KCNT1: variants seen among roughly 807,000 people sequenced by gnomAD.
KCNT1 encodes potassium channel subfamily T member 1.
In KCNT1, 78 loss-of-function variants were observed where a neutral mutation model predicts 147.8. The ratio of observed to expected loss-of-function variants is 0.53; its 90% CI spans 0.44 to 0.64. The LOEUF (loss-of-function observed/expected upper bound fraction) is 0.64. Ranked by LOEUF, KCNT1 falls within the 30% of genes least tolerant of loss-of-function variation. KCNT1 has a pLI of 0.00. For synonymous variants in KCNT1, 867 were observed against 748.8 expected, an observed-to-expected ratio of 1.16 and a Z score of -2.58; for missense variants, 1,419 against 1,750.3, an observed-to-expected ratio of 0.81 and a Z score of 3.38.
chr9:135,775,424 G>A lies in KCNT1; in HGVS notation c.2349+9G>A. 6.2e-7 allele frequency: 1 copy of A among 1,604,382 alleles called. No individual in the cohort carries two copies. Among genetic ancestry groups the A allele is most frequent in the South Asian group, 1.1e-5 (1 of 88,962 alleles). On this transcript the variant is annotated intron_variant, in intron 20 of 30. Transcript: ENST00000371757. ...GCCTGCGGCTGGACAAGGTAAGGCT[G>A]GCGGCTCTGCCGCGCTCTGCACCCC... is the stretch of plus-strand genomic sequence containing the variant.
intron 11 of KCNT1, among the ~76,000 whole-genome samples, chr9:135,760,299 G>C (rs1000810491): frequency 3.3e-5 from 5 of 152,342 alleles, no homozygotes; most frequent in African/African-American, 1.2e-4. Context: ...ACTGCCCACT[G>C]AGCAGAGGAG....
intron 17 of KCNT1, 139 bp from the exon 18 acceptor site, chr9:135,770,718 G>A (rs1477087910): frequency 3.3e-6 from 3 of 906,544 alleles, no homozygotes; most frequent in African/African-American, 1.7e-5. Flanking sequence ...GCTCAGCCAA[G>A]GTCCCTGACC....
chr9:135,785,958 G>A (rs563478160), intron 28 of KCNT1: 29 of 566,010 alleles, frequency 5.1e-5, no homozygotes, highest in Non-Finnish European at 7.5e-5. Context: ...GACCAGGCCC[G>A]GGCAGGGTGG....
chr9:135,723,304 G>A (rs1835999552), intron 2 of KCNT1, among the ~76,000 whole-genome samples: 1 of 152,360 alleles, frequency 6.6e-6, no homozygotes, highest in East Asian at 1.9e-4. Context: ...CGTTGGTGGG[G>A]TGTCAGGAGT....
chr9:135,751,741 T>G (rs1379128945), intron 4 of KCNT1, among the ~76,000 whole-genome samples: 6 of 152,190 alleles, frequency 3.9e-5, no homozygotes, highest in Non-Finnish European at 7.4e-5. Context: ...AGCAGGGCCC[T>G]GCGGCCCTCG....
chr9:135,751,015 C>T lies in KCNT1; in HGVS notation c.408C>T (p.Leu136=), dbSNP rs370046449. Residue 136 remains leucine, a synonymous_variant, in exon 4 of 31, where the codon CTC becomes CTT. Coordinates refer to ENST00000371757, the MANE Select transcript of KCNT1 (RefSeq NM_020822.3). ...TGCTCTACATTGTGCGCGTCCTGCT[C>T]GATGACCCGGCCCTGGGCATCGGAT... ...TCLLYIVRVL[L]DDPALGIGCW... The T allele has an allele frequency of 3.5e-5, 56 of 1,612,214 alleles. No homozygotes were observed. Among genetic ancestry groups the T allele is most frequent in the Middle Eastern group, 3.3e-4 (2 of 6,040 alleles).
At chr9:135,763,286 G>A (rs553109205) in intron 11 of KCNT1, among the ~76,000 whole-genome samples, 255 of 116,690 alleles carry the variant, frequency 2.2e-3, no homozygotes, top group Non-Finnish European at 3.6e-3. Context: ...TGGTAAGGGT[G>A]GGCTGCAGTG....
rs368804103 is a variant in KCNT1 at position 135,792,459 on chromosome 9, C to A, written c.*298C>A. On this transcript the variant is annotated 3_prime_UTR_variant, in exon 31 of 31. Transcript: ENST00000371757. Reference sequence around the variant, plus strand: ...TGACCAGGGCTGGCTGGGAGGGCAACGCAGGGACTGGACGCCCTACAGGGC... The same window carrying A: ...TGACCAGGGCTGGCTGGGAGGGCAAAGCAGGGACTGGACGCCCTACAGGGC... 1.0e-5 allele frequency: 3 copies of A among 296,330 alleles called. No individual in the cohort carries two copies. The highest frequency in any genetic ancestry group is 4.9e-5 in the Admixed American group (1 of 20,360). 18.4% of individuals were successfully genotyped at this position (296,330 alleles called of 1,614,324 possible).
At position 135,742,470 on chromosome 9, in the gene KCNT1, G is replaced by A. The variant is rs115143375; in HGVS notation, c.255-7628G>A. Among the ~76,000 whole-genome samples, 704 of 152,296 alleles carry A rather than the reference G, an allele frequency of 4.6e-3. 5 individuals are homozygous for A. Among genetic ancestry groups the A allele is most frequent in the Middle Eastern group, 0.031 (9 of 294 alleles). On this transcript the variant is annotated intron_variant, in intron 2 of 30. Coordinates refer to ENST00000371757, the MANE Select transcript of KCNT1 (RefSeq NM_020822.3). Reference sequence around the variant, plus strand: ...CCCAGGCACAGGAGGGTGCATGCGCGGGGACCTCCAAGCGGGCTGTGCTGC... The same window carrying A: ...CCCAGGCACAGGAGGGTGCATGCGCAGGGACCTCCAAGCGGGCTGTGCTGC...
chr9:135,781,013 G>A lies in KCNT1; in HGVS notation c.2841+1543G>A, dbSNP rs569985049. 4.1e-3 allele frequency among the ~76,000 whole-genome samples: 617 copies of A among 152,282 alleles called. 3 individuals carry two copies. Among genetic ancestry groups the A allele is most frequent in the African/African-American group, 0.014 (589 of 41,566 alleles). ...GCACGCAGCCAACACGCTCCTGCCCGCCTTCCCGCCAGGCAGCCATCGCCA... is the reference window on the plus strand; with the variant it reads ...GCACGCAGCCAACACGCTCCTGCCCACCTTCCCGCCAGGCAGCCATCGCCA... On this transcript the variant is annotated intron_variant, in intron 24 of 30. Coordinates refer to ENST00000371757, the MANE Select transcript of KCNT1 (RefSeq NM_020822.3).
intron 2 of KCNT1, among the ~76,000 whole-genome samples, chr9:135,744,701 G>A (rs376257337): frequency 3.3e-5 from 5 of 152,236 alleles, no homozygotes; most frequent in East Asian, 1.9e-4. Context: ...GGCCAGCGCC[G>A]CTGACGGCTC....
intron 28 of KCNT1, chr9:135,785,857 C>T: frequency 4.4e-6 from 2 of 453,374 alleles, no homozygotes; most frequent in Non-Finnish European, 7.9e-6. Flanking sequence ...CCAGGATGTG[C>T]TGGGGTCCAG....
At chr9:135,774,007 G>A (rs1832932157) in intron 19 of KCNT1, among the ~76,000 whole-genome samples, 1 of 152,146 alleles carries the variant, frequency 6.6e-6, no homozygotes, top group Non-Finnish European at 1.5e-5. Flanking sequence ...TAGGGCATGG[G>A]GGTGGGTGTG....
chr9:135,729,945 G>C (rs1564326342), intron 2 of KCNT1, among the ~76,000 whole-genome samples: 1 of 152,180 alleles, frequency 6.6e-6, no homozygotes, highest in African/African-American at 2.4e-5. Context: ...AGCACCCAGT[G>C]TTCCCTCTGT....
At chr9:135,756,978 CCCCACCCT>C in intron 7 of KCNT1, 46 bp downstream of exon 7, 1 of 1,279,684 alleles carries the variant, frequency 7.8e-7, no homozygotes, top group Non-Finnish European at 1.1e-6. Context: ...TCCCCACCCT[CCCCACCCT>C]CCCCAGCCTC....
At chr9:135,706,588 C>G (rs557595472) in intron 1 of KCNT1, among the ~76,000 whole-genome samples, 1 of 152,336 alleles carries the variant, frequency 6.6e-6, no homozygotes, top group African/African-American at 2.4e-5. Flanking sequence ...ACACAGGCCT[C>G]CTCCTTTGTA....
At chr9:135,787,374 C>T (rs1834143547) in intron 29 of KCNT1, among the ~76,000 whole-genome samples, 1 of 152,208 alleles carries the variant, frequency 6.6e-6, no homozygotes, top group African/African-American at 2.4e-5. Context: ...GCCCCAGCTC[C>T]CCAGCACCGG....
chr9:135,770,155 A>C, intron 16 of KCNT1, 100 bp downstream of exon 16: 2 of 1,377,858 alleles, frequency 1.5e-6, no homozygotes, highest in Non-Finnish European at 2.0e-6. Flanking sequence ...TTCCCAGAGG[A>C]GGGGCACATG....
At chr9:135,768,588 C>CTCAGGCCCTGGTGCA in intron 13 of KCNT1, 22 bp from the exon 14 acceptor site, 1 of 1,548,750 alleles carries the variant, frequency 6.5e-7, no homozygotes, top group Non-Finnish European at 8.7e-7. Flanking sequence ...TCCACCCACG[C>CTCAGGCCCTGGTGCA]TCAGGCCCTG....
Sources: gnomAD v4.1 joint callset for allele counts (sites outside exome capture counted in the v4.1 genomes callset) on GRCh38, gnomAD v4.1.1 for gene constraint, MANE v1.5 for transcripts, NCBI Gene and HGNC (gene_info 2026-07-23, HGNC 2026-07-21) for gene names.